SENP6: variants seen among roughly 807,000 people sequenced by gnomAD.
SENP6 encodes the protein SUMO specific peptidase 6, also known as sentrin-specific protease 6.
In SENP6, 41 loss-of-function variants were observed where a neutral mutation model predicts 134.5. The ratio of observed to expected loss-of-function variants is 0.30; its 90% CI spans 0.24 to 0.40. The LOEUF (loss-of-function observed/expected upper bound fraction) is 0.40, where lower values mean the gene tolerates loss of function less well. Among genes scored for constraint, SENP6 ranks in the 10% least tolerant of loss-of-function variants. The probability of loss-of-function intolerance (pLI) is 1.00; values close to 1 mark genes in which losing one functional copy is unlikely to be tolerated. For missense variants in SENP6, 1,248 were observed against 1,312.5 expected (o/e 0.95, Z 0.76); for synonymous variants, 395 against 429.8 (o/e 0.92, Z 1.00).
At chr6:75,626,824 G>A (rs1206088812) in intron 3 of SENP6, among the ~76,000 whole-genome samples, 1 of 152,090 alleles carries the variant, frequency 6.6e-6, no homozygotes, top group Non-Finnish European at 1.5e-5. Flanking sequence ...TTGCTGATCT[G>A]AACATAGCAC....
chr6:75,693,341 T>C (rs1382805031), intron 16 of SENP6, among the ~76,000 whole-genome samples: 1 of 150,644 alleles, frequency 6.6e-6, no homozygotes, highest in Non-Finnish European at 1.5e-5. Flanking sequence ...GAGGTGGAGA[T>C]TGCAGTGAGC....
intron 1 of SENP6, among the ~76,000 whole-genome samples, chr6:75,606,454 C>T (rs1419528419): frequency 6.6e-6 from 1 of 152,186 alleles, no homozygotes; most frequent in Non-Finnish European, 1.5e-5. Context: ...ACTTATTGAA[C>T]ACCTACTATG....
chr6:75,649,066 C>T (rs780728211), intron 7 of SENP6, among the ~76,000 whole-genome samples: 4 of 151,832 alleles, frequency 2.6e-5, no homozygotes, highest in Non-Finnish European at 4.4e-5. Context: ...CAGCACTTTA[C>T]GATGTCGATG....
intron 5 of SENP6, among the ~76,000 whole-genome samples, chr6:75,637,647 A>G (rs960201470): frequency 6.6e-6 from 1 of 152,092 alleles, no homozygotes; most frequent in Non-Finnish European, 1.5e-5. Context: ...TTTATTAAGT[A>G]TAGATAAAAA....
At chr6:75,613,361 G>A (rs1463379562) in intron 1 of SENP6, among the ~76,000 whole-genome samples, 3 of 152,120 alleles carry the variant, frequency 2.0e-5, no homozygotes, top group African/African-American at 4.8e-5. Context: ...AAATGGCAAC[G>A]TTGAGTAACT....
chr6:75,718,189 A>G lies in SENP6; in HGVS notation c.*2595A>G, dbSNP rs1340957102. On this transcript the variant is annotated 3_prime_UTR_variant, in exon 24 of 24. Coordinates refer to ENST00000447266, the MANE Select transcript of SENP6 (RefSeq NM_015571.4). ...AAAACTGTGAGACAATGTAAAAAGAATAAGTTTTAATTCCCCCAAAATCAA... is the reference window on the plus strand; with the variant it reads ...AAAACTGTGAGACAATGTAAAAAGAGTAAGTTTTAATTCCCCCAAAATCAA... 1 of 152,242 alleles carries G rather than the reference A, an allele frequency of 6.6e-6. No individual in the cohort carries two copies. Among genetic ancestry groups the G allele is most frequent in the African/African-American group, 2.4e-5 (1 of 41,470 alleles). The allele number at this position is 152,242 out of a possible 1,614,324, so 9.4% of individuals were successfully genotyped here.
chr6:75,668,382 TAGTA>T (rs1042577124), intron 10 of SENP6, among the ~76,000 whole-genome samples: 4 of 152,010 alleles, frequency 2.6e-5, no homozygotes, highest in African/African-American at 7.3e-5. Context: ...AATGGAAAAA[TAGTA>T]AGCTATGTGA....
chr6:75,672,214 G>C (rs534939093), intron 11 of SENP6, among the ~76,000 whole-genome samples: 1 of 152,040 alleles, frequency 6.6e-6, no homozygotes, highest in Non-Finnish European at 1.5e-5. Context: ...TAACTTTTAC[G>C]GCTTTCTCCC....
intron 11 of SENP6, among the ~76,000 whole-genome samples, chr6:75,675,073 C>G (rs1004163561): frequency 2.0e-5 from 3 of 151,948 alleles, no homozygotes; most frequent in Non-Finnish European, 4.4e-5. Context: ...ATAAGTAATT[C>G]AGGCAAGGAC....
At chr6:75,693,095 A>T (rs1774398668) in intron 16 of SENP6, among the ~76,000 whole-genome samples, 1 of 152,110 alleles carries the variant, frequency 6.6e-6, no homozygotes. Context: ...TATTCAGTTA[A>T]GTTTTATAAA....
At chr6:75,620,614 A>G (rs1768197386) in intron 1 of SENP6, 1 of 152,214 alleles carries the variant, frequency 6.6e-6, no homozygotes, top group South Asian at 2.1e-4. Flanking sequence ...GGATTTCATC[A>G]TATAAATTTG....
chr6:75,630,311 C>T (rs987793308), intron 3 of SENP6, among the ~76,000 whole-genome samples: 2 of 152,158 alleles, frequency 1.3e-5, no homozygotes, highest in East Asian at 3.8e-4. Flanking sequence ...CTGAGGTGAT[C>T]CATCAGCCTC....
At chr6:75,698,882 G>A (rs531867517) in intron 18 of SENP6, among the ~76,000 whole-genome samples, 6 of 151,792 alleles carry the variant, frequency 4.0e-5, no homozygotes, top group Non-Finnish European at 5.9e-5. Context: ...GTGGTGGTGC[G>A]TGCCTGTAAT....
chr6:75,621,393 A>G (rs1244329669), intron 1 of SENP6, 139 bp from the exon 2 acceptor site: 8 of 581,274 alleles, frequency 1.4e-5, no homozygotes, highest in Middle Eastern at 3.5e-4. Context: ...GAGGAAATCA[A>G]ATGTTTACAA....
chr6:75,633,537 C>T (rs369249387), intron 3 of SENP6, 44 bp from the exon 4 acceptor site: 32 of 1,515,668 alleles, frequency 2.1e-5, no homozygotes, highest in African/African-American at 1.7e-4. Context: ...TAGATTGTCA[C>T]ATTATAGCAT....
At chr6:75,675,684 A>G in intron 12 of SENP6, 176 bp from the exon 13 acceptor site, 2 of 802,112 alleles carry the variant, frequency 2.5e-6, no homozygotes, top group Middle Eastern at 2.3e-4. Context: ...AAAAAATAAA[A>G]AAGTTTCTTT....
intron 16 of SENP6, among the ~76,000 whole-genome samples, chr6:75,680,269 G>A (rs936330846): frequency 1.3e-5 from 2 of 152,146 alleles, no homozygotes; most frequent in African/African-American, 4.8e-5. Context: ...AATGCAGAAG[G>A]AGAACAGGCT....
At chr6:75,656,006 G>T (rs1335531910) in intron 7 of SENP6, among the ~76,000 whole-genome samples, 2 of 152,052 alleles carry the variant, frequency 1.3e-5, no homozygotes, top group Non-Finnish European at 2.9e-5. Context: ...CCTGAAGCCA[G>T]GAGTTCGAGA....
Position 75,602,594 on chromosome 6 carries a change from CT to C in SENP6, c.52+20del. 1 of 1,550,708 alleles carries C rather than the reference CT, an allele frequency of 6.4e-7. No homozygotes were observed. The highest frequency in any genetic ancestry group is 8.7e-7 in the Non-Finnish European group (1 of 1,146,336). On this transcript the variant is annotated intron_variant, in intron 1 of 23. Transcript: ENST00000447266. ...TCTGGAAGGTACGTCTGTTTCTGCC[CT>C]TGACGGGGAGAAGGGAGGGTATACT...
Sources: gnomAD v4.1 joint callset for allele counts (sites outside exome capture counted in the v4.1 genomes callset) on GRCh38, gnomAD v4.1.1 for gene constraint, MANE v1.5 for transcripts, NCBI Gene and HGNC (gene_info 2026-07-23, HGNC 2026-07-21) for gene names.